Variants in SLC16A10 observed in about 807,000 individuals in gnomAD.
The protein encoded by SLC16A10 is solute carrier family 16 member 10.
A neutral mutation model predicts 40.0 loss-of-function variants in SLC16A10; 27 were observed. The ratio of observed to expected loss-of-function variants is 0.67; its 90% CI spans 0.50 to 0.93. SLC16A10 has a LOEUF of 0.93. SLC16A10 is among the 40% of genes least tolerant of loss of function. The pLI, the probability that SLC16A10 is intolerant of heterozygous loss-of-function variation, is 0.00. For missense variants in SLC16A10, 529 were observed against 658.2 expected, an observed-to-expected ratio of 0.80 and a Z score of 2.15; for synonymous variants, 213 against 249.8, an observed-to-expected ratio of 0.85 and a Z score of 1.39.
chr6:111,173,981 C>A (rs1413864917), intron 2 of SLC16A10, among the ~76,000 whole-genome samples: 1 of 152,144 alleles, frequency 6.6e-6, no homozygotes, highest in Non-Finnish European at 1.5e-5. Context: ...GAAGAAAAGA[C>A]ACAGTGCACT....
rs958219622 is a variant in SLC16A10, at chr6:111,229,925, T to C, written c.*7690T>C. On this transcript the variant is annotated 3_prime_UTR_variant, in exon 6 of 6. Transcript: ENST00000368851. ...AGGAGTTCGAGACATACGGGTCTCT[T>C]TAATGTTCTGTAGGTAGGATTCAGA... The C allele has an allele frequency of 6.6e-6, 1 of 152,074 alleles. No individual in the cohort carries two copies. Among genetic ancestry groups the C allele is most frequent in the Non-Finnish European group, 1.5e-5 (1 of 68,120 alleles). 9.4% of individuals were successfully genotyped at this position (152,074 alleles called of 1,614,324 possible).
chr6:111,208,111 G>A (rs906399514), intron 4 of SLC16A10, among the ~76,000 whole-genome samples: 3 of 152,048 alleles, frequency 2.0e-5, no homozygotes, highest in African/African-American at 7.2e-5. Context: ...TGGGACTACA[G>A]GTGCGTGCCA....
At chr6:111,142,976 T>A (rs965984373) in intron 1 of SLC16A10, among the ~76,000 whole-genome samples, 5 of 152,212 alleles carry the variant, frequency 3.3e-5, no homozygotes, top group Admixed American at 6.5e-5. Context: ...AAGATGTCCT[T>A]CAATAGGTAA....
At chr6:111,153,599 A>G (rs1583331431) in intron 1 of SLC16A10, among the ~76,000 whole-genome samples, 1 of 152,166 alleles carries the variant, frequency 6.6e-6, no homozygotes, top group Non-Finnish European at 1.5e-5. Flanking sequence ...GATGGAGTGG[A>G]CAGAGGAGGT....
At chr6:111,126,217 A>G (rs1771671467) in intron 1 of SLC16A10, among the ~76,000 whole-genome samples, 2 of 152,192 alleles carry the variant, frequency 1.3e-5, no homozygotes, top group Non-Finnish European at 2.9e-5. Flanking sequence ...ACAGTGTTCC[A>G]GGCTGGATTT....
rs546787300 is a variant in SLC16A10, at chr6:111,135,801, G to T, written c.344-36894G>T. On this transcript the variant is annotated intron_variant, in intron 1 of 5. Transcript: ENST00000368851. ...TTTTAGCCGCCCGTTCAGAAACCTT[G>T]TGCCATCAAGCCACCCAAGTGCTCT... is the stretch of plus-strand genomic sequence containing the variant. Among the ~76,000 whole-genome samples, 3 of 152,322 alleles carry T rather than the reference G, an allele frequency of 2.0e-5. No individual in the cohort carries two copies. In the East Asian group the frequency reaches 5.8e-4, roughly 29 times the overall value.
At chr6:111,187,872 C>G (rs1375316006) in intron 3 of SLC16A10, among the ~76,000 whole-genome samples, 1 of 152,174 alleles carries the variant, frequency 6.6e-6, no homozygotes, top group Non-Finnish European at 1.5e-5. Context: ...CAGATTGTCC[C>G]TGACAATGCA....
intron 1 of SLC16A10, among the ~76,000 whole-genome samples, chr6:111,097,006 G>A (rs75300608): frequency 6.6e-6 from 1 of 151,792 alleles, no homozygotes; most frequent in Non-Finnish European, 1.5e-5. Flanking sequence ...ATTTTTTTGT[G>A]GGGGAGGGTC....
chr6:111,187,618 C>T (rs1772921052), intron 3 of SLC16A10, among the ~76,000 whole-genome samples: 1 of 152,180 alleles, frequency 6.6e-6, no homozygotes, highest in Non-Finnish European at 1.5e-5. Flanking sequence ...AAGCTTATTA[C>T]AGCCCAGCCT....
chr6:111,154,269 A>G (rs1772228293), intron 1 of SLC16A10, among the ~76,000 whole-genome samples: 1 of 152,216 alleles, frequency 6.6e-6, no homozygotes, highest in African/African-American at 2.4e-5. Context: ...ATATTACTTC[A>G]TTCCGCAAAG....
intron 4 of SLC16A10, among the ~76,000 whole-genome samples, chr6:111,216,291 G>C (rs1773419756): frequency 6.6e-6 from 1 of 152,208 alleles, no homozygotes; most frequent in Non-Finnish European, 1.5e-5. Flanking sequence ...TTGCATTGGA[G>C]AAAAGGATAT....
intron 3 of SLC16A10, among the ~76,000 whole-genome samples, chr6:111,179,482 C>T (rs1181227938): frequency 6.6e-6 from 1 of 152,172 alleles, no homozygotes; most frequent in Non-Finnish European, 1.5e-5. Context: ...AGTCTACAGT[C>T]TTAATAGCAT....
chr6:111,215,811 C>G (rs1278787838), intron 4 of SLC16A10, among the ~76,000 whole-genome samples: 1 of 152,138 alleles, frequency 6.6e-6, no homozygotes, highest in African/African-American at 2.4e-5. Flanking sequence ...TCAAGAATGG[C>G]CTGGGCAACA....
chr6:111,115,367 G>A (rs1280132525), intron 1 of SLC16A10, among the ~76,000 whole-genome samples: 7 of 152,134 alleles, frequency 4.6e-5, no homozygotes, highest in Non-Finnish European at 7.3e-5. Context: ...CTGCCATCAC[G>A]CCGGCTAATT....
intron 1 of SLC16A10, among the ~76,000 whole-genome samples, chr6:111,116,737 C>T (rs760324304): frequency 1.3e-5 from 2 of 152,132 alleles, no homozygotes; most frequent in Non-Finnish European, 2.9e-5. Flanking sequence ...AAAATGAAGA[C>T]ATAGTTGTGT....
chr6:111,205,384 C>T (rs188019788), intron 3 of SLC16A10, among the ~76,000 whole-genome samples: 11 of 152,196 alleles, frequency 7.2e-5, no homozygotes, highest in Admixed American at 7.2e-4. Flanking sequence ...CGGTGATTGT[C>T]AGGCATTATG....
chr6:111,184,324 G>A (rs1210767177), intron 3 of SLC16A10, among the ~76,000 whole-genome samples: 3 of 152,102 alleles, frequency 2.0e-5, no homozygotes, highest in Non-Finnish European at 4.4e-5. Context: ...CCTTATAAGT[G>A]GGTTGACTTT....
chr6:111,185,266 T>C (rs1772874253), intron 3 of SLC16A10, among the ~76,000 whole-genome samples: 1 of 152,224 alleles, frequency 6.6e-6, no homozygotes, highest in South Asian at 2.1e-4. Flanking sequence ...GTCTGAAATA[T>C]ACTCTTTTTA....
At chr6:111,217,353 AATG>A (rs1773442343) in intron 4 of SLC16A10, among the ~76,000 whole-genome samples, 1 of 152,236 alleles carries the variant, frequency 6.6e-6, no homozygotes, top group African/African-American at 2.4e-5. Flanking sequence ...ACACTAAATA[AATG>A]ATAGTTGCTA....
Sources: gnomAD v4.1 joint callset for allele counts (sites outside exome capture counted in the v4.1 genomes callset) on GRCh38, gnomAD v4.1.1 for gene constraint, MANE v1.5 for transcripts, NCBI Gene and HGNC (gene_info 2026-07-23, HGNC 2026-07-21) for gene names.